The following TSPAN15 variants were observed in gnomAD, a reference collection of about 807,000 sequenced individuals.
The protein encoded by TSPAN15 is tetraspanin 15, also known as tetraspanin-15.
TSPAN15 carries 20 observed loss-of-function variants against 34.5 expected under a neutral mutation model. That is an observed-to-expected ratio of 0.58 (90% CI 0.41 to 0.84). The LOEUF (loss-of-function observed/expected upper bound fraction) is 0.84. Among genes scored for constraint, TSPAN15 ranks in the 40% least tolerant of loss-of-function variants. The probability of loss-of-function intolerance (pLI) is 0.00; values close to 1 mark genes in which losing one functional copy is unlikely to be tolerated. For missense variants in TSPAN15, 313 were observed against 386.1 expected, an observed-to-expected ratio of 0.81 and a Z score of 1.59; for synonymous variants, 155 against 153.9, an observed-to-expected ratio of 1.01 and a Z score of -0.05.
downstream of TSPAN15, chr10:69,507,785 C>T: frequency 1.7e-6 from 1 of 574,000 alleles, no homozygotes. Context: ...GAAGATTTGG[C>T]ATAGCTTGGG....
At chr10:69,516,549 G>C in the TSPAN15 span, among the ~76,000 whole-genome samples, 1 of 152,320 alleles carries the variant, frequency 6.6e-6, no homozygotes, top group South Asian at 2.1e-4. Context: ...GGGAGTACTA[G>C]GGCTCTGGAG....
At chr10:69,539,835 A>T in the TSPAN15 span, among the ~76,000 whole-genome samples, 1 of 152,170 alleles carries the variant, frequency 6.6e-6, no homozygotes, top group Non-Finnish European at 1.5e-5. Context: ...GATGGGAAAG[A>T]GTGTACAACA....
At chr10:69,492,164 G>A (rs977302350) in intron 3 of TSPAN15, among the ~76,000 whole-genome samples, 1 of 152,172 alleles carries the variant, frequency 6.6e-6, no homozygotes, top group African/African-American at 2.4e-5. Context: ...GGGGAATGGG[G>A]TGGGGGCAGT....
intron 1 of TSPAN15, among the ~76,000 whole-genome samples, chr10:69,464,448 G>A (rs1841338518): frequency 6.6e-6 from 1 of 152,242 alleles, no homozygotes; most frequent in African/African-American, 2.4e-5. Flanking sequence ...CCCGTCCTCA[G>A]GCCAGGGGGC....
At chr10:69,459,933 G>A (rs1589622078) in intron 1 of TSPAN15, among the ~76,000 whole-genome samples, 2 of 140,240 alleles carry the variant, frequency 1.4e-5, no homozygotes, top group Admixed American at 7.0e-5. Flanking sequence ...CCCCCCCCAC[G>A]AATGGAGGGA....
At position 69,506,303 on chromosome 10, in the gene TSPAN15, C is replaced by A; in HGVS notation, c.735+63C>A. ...TGATTGCAGAAGGGCAGAGAAGGTG[C>A]AGAGGGGAAGAGCGAAGAGGCTTTT... On this transcript the variant is annotated intron_variant, in intron 7 of 7. Transcript: ENST00000373290. The surrounding 1 kb of genome is among the most constrained non-coding windows in gnomAD (Gnocchi z 4.7). 1 of 1,504,568 alleles carries A rather than the reference C, an allele frequency of 6.6e-7. No individual in the cohort carries two copies. Among genetic ancestry groups the A allele is most frequent in the South Asian group, 1.1e-5 (1 of 88,260 alleles). 93.2% of individuals were successfully genotyped at this position (1,504,568 alleles called of 1,614,324 possible).
intron 1 of TSPAN15, among the ~76,000 whole-genome samples, chr10:69,481,365 A>G (rs562412400): frequency 3.9e-5 from 6 of 152,200 alleles, no homozygotes; most frequent in Non-Finnish European, 5.9e-5. Context: ...GGGGAATGGC[A>G]CTTAGCCTTG....
chr10:69,530,818 CTCTATATATATATATATA>C, the TSPAN15 span, among the ~76,000 whole-genome samples: 98 of 42,554 alleles, frequency 2.3e-3, no homozygotes, highest in African/African-American at 6.9e-3. Flanking sequence ...CTCTCTCTCT[CTCTATATATATATATATA>C]TATATATATA....
At chr10:69,533,569 C>T in the TSPAN15 span, among the ~76,000 whole-genome samples, 1 of 152,130 alleles carries the variant, frequency 6.6e-6, no homozygotes, top group African/African-American at 2.4e-5. Flanking sequence ...GCAGTGTATA[C>T]TGCTGGGATG....
chr10:69,519,764 C>T, the TSPAN15 span, among the ~76,000 whole-genome samples: 16 of 151,384 alleles, frequency 1.1e-4, no homozygotes, highest in Non-Finnish European at 1.8e-4. Context: ...GAGAGTTTTG[C>T]TCTTGTTGCC....
chr10:69,526,786 CAAAAAAAAAAAAAAA>C, the TSPAN15 span, among the ~76,000 whole-genome samples: 1 of 60,982 alleles, frequency 1.6e-5, no homozygotes, highest in Non-Finnish European at 3.0e-5. Flanking sequence ...GACCCTGTCT[CAAAAAAAAAAAAAAA>C]AAAAAAAAAG....
chr10:69,539,375 TAGAA>T, the TSPAN15 span, among the ~76,000 whole-genome samples: 2 of 74,634 alleles, frequency 2.7e-5, no homozygotes, highest in African/African-American at 1.1e-4. Flanking sequence ...ACAAAAAAAA[TAGAA>T]GAAGAAGAGG....
chr10:69,539,145 T>C, the TSPAN15 span, among the ~76,000 whole-genome samples: 174 of 151,968 alleles, frequency 1.1e-3, 1 homozygote, highest in East Asian at 0.03. Context: ...GCCTCTGAGA[T>C]GGAATGGAAA....
chr10:69,479,746 G>T (rs1333152982), intron 1 of TSPAN15, among the ~76,000 whole-genome samples: 1 of 152,222 alleles, frequency 6.6e-6, no homozygotes, highest in African/African-American at 2.4e-5. Flanking sequence ...GAAGTTCCTG[G>T]GAAGGTTTAT....
At chr10:69,497,395 G>A (rs913320624) in intron 4 of TSPAN15, among the ~76,000 whole-genome samples, 3 of 152,210 alleles carry the variant, frequency 2.0e-5, no homozygotes, top group Non-Finnish European at 2.9e-5. Context: ...TTCCAGGCTT[G>A]TTGGCCTCCG....
intron 1 of TSPAN15, among the ~76,000 whole-genome samples, chr10:69,482,690 A>G (rs1353017642): frequency 1.6e-5 from 2 of 127,016 alleles, no homozygotes; most frequent in East Asian, 4.0e-4. Flanking sequence ...CTTTCAGATG[A>G]GAACACAGAC....
chr10:69,458,466 T>A (rs1841164236), intron 1 of TSPAN15, among the ~76,000 whole-genome samples: 7 of 152,236 alleles, frequency 4.6e-5, no homozygotes, highest in Admixed American at 3.9e-4. Flanking sequence ...TTTCTTTAAT[T>A]ATCTTTCTTA....
the TSPAN15 span, among the ~76,000 whole-genome samples, chr10:69,517,955 C>T: frequency 6.6e-6 from 1 of 152,218 alleles, no homozygotes; most frequent in Non-Finnish European, 1.5e-5. Flanking sequence ...ACTGTAGCTC[C>T]TGCACCTCCC....
At chr10:69,532,817 T>C in the TSPAN15 span, among the ~76,000 whole-genome samples, 7 of 151,974 alleles carry the variant, frequency 4.6e-5, no homozygotes, top group Admixed American at 6.6e-5. Context: ...TACAATGAAC[T>C]CAAACAAATC....
Sources: gnomAD v4.1 joint callset for allele counts (sites outside exome capture counted in the v4.1 genomes callset) on GRCh38, gnomAD v4.1.1 for gene constraint, Gnocchi (gnomAD v3.1) non-coding constraint, MANE v1.5 for transcripts, NCBI Gene and HGNC (gene_info 2026-07-23, HGNC 2026-07-21) for gene names.